AK9: variants seen among roughly 807,000 people sequenced by gnomAD.
The protein encoded by AK9 is adenylate kinase domain containing 1.
A neutral mutation model predicts 239.6 loss-of-function variants in AK9; 191 were observed. The observed-to-expected ratio is 0.80, with a 90% CI of 0.71 to 0.90. AK9 has a LOEUF of 0.90. Ranked by LOEUF, AK9 falls within the 40% of genes least tolerant of loss-of-function variation. The pLI, the probability that AK9 is intolerant of heterozygous loss-of-function variation, is 0.00. For missense variants in AK9, 1,995 were observed against 2,214.7 expected (o/e 0.90, Z 1.99); for synonymous variants, 689 against 721.0 (o/e 0.96, Z 0.71).
intron 13 of AK9, among the ~76,000 whole-genome samples, chr6:109,615,476 T>C (rs1467146158): frequency 6.6e-6 from 1 of 152,162 alleles, no homozygotes; most frequent in Non-Finnish European, 1.5e-5. Context: ...CCAATATTTC[T>C]CCAGCTTCAG....
At chr6:109,657,668 T>A (rs939148437) in intron 7 of AK9, among the ~76,000 whole-genome samples, 2 of 152,070 alleles carry the variant, frequency 1.3e-5, no homozygotes, top group Non-Finnish European at 2.9e-5. Flanking sequence ...TCATTTACAT[T>A]AGGTATATCT....
At chr6:109,584,255 C>T (rs748636016) in intron 19 of AK9, among the ~76,000 whole-genome samples, 2 of 152,100 alleles carry the variant, frequency 1.3e-5, no homozygotes, top group Non-Finnish European at 2.9e-5. Context: ...CCAGCTTCTT[C>T]ATTTCTAGGG....
At chr6:109,538,575 T>C (rs1296567356) in intron 27 of AK9, among the ~76,000 whole-genome samples, 10 of 152,186 alleles carry the variant, frequency 6.6e-5, no homozygotes, top group African/African-American at 2.2e-4. Flanking sequence ...CCAGTCTGTG[T>C]CTTTTAATTG....
At chr6:109,683,269 A>G (rs942044980) in intron 1 of AK9, among the ~76,000 whole-genome samples, 1 of 152,232 alleles carries the variant, frequency 6.6e-6, no homozygotes, top group African/African-American at 2.4e-5. Flanking sequence ...AGAGCTATTT[A>G]TGACAAGCCC....
At chr6:109,658,464 G>A (rs1799991206) in intron 7 of AK9, among the ~76,000 whole-genome samples, 1 of 152,100 alleles carries the variant, frequency 6.6e-6, no homozygotes, top group Non-Finnish European at 1.5e-5. Context: ...AAATAAAACA[G>A]AGCAAAGGGT....
intron 12 of AK9, among the ~76,000 whole-genome samples, chr6:109,630,407 C>A (rs547438068): frequency 6.6e-6 from 1 of 152,194 alleles, no homozygotes; most frequent in South Asian, 2.1e-4. Flanking sequence ...CATAAAATTG[C>A]AAAGGGCTAA....
chr6:109,542,179 C>CAA lies in AK9; in HGVS notation c.3226-10_3226-9dup. ...AAGTTGTACTTCTGGAAGCTAAAAA[C>CAA]AAAAATCAGAAAACAAAACAAGTTT... is the stretch of plus-strand genomic sequence containing the variant. On this transcript the variant is annotated splice_polypyrimidine_tract_variant and intron_variant, in intron 26 of 40. Transcript: ENST00000424296. 1 of 1,577,456 alleles carries CAA rather than the reference C, an allele frequency of 6.3e-7. No homozygotes were observed. The highest frequency in any genetic ancestry group is 1.2e-5 in the South Asian group (1 of 85,156).
At chr6:109,610,138 A>C (rs926076006) in intron 17 of AK9, among the ~76,000 whole-genome samples, 2 of 152,228 alleles carry the variant, frequency 1.3e-5, no homozygotes, top group Non-Finnish European at 2.9e-5. Context: ...CAAAGCATAA[A>C]GTTATATTAC....
chr6:109,508,795 C>T (rs1166650724), intron 33 of AK9, among the ~76,000 whole-genome samples: 1 of 152,170 alleles, frequency 6.6e-6, no homozygotes, highest in African/African-American at 2.4e-5. Context: ...CTGGGCCAGA[C>T]ATAGACCATC....
chr6:109,671,970 C>A lies in AK9; in HGVS notation c.280G>T (p.Val94Phe), dbSNP rs747036246. ...ISGQSIPDEL[V>F]IKLMLEKLNS... is the part of the protein sequence containing the mutation. Reference sequence around the variant, plus strand: ...AGCTTCTCCAACATTAGCTTTATGACAAGTTCATCTGGAATGCTTTGACCG... The same window carrying A: ...AGCTTCTCCAACATTAGCTTTATGAAAAGTTCATCTGGAATGCTTTGACCG... Residue 94 changes from valine to phenylalanine, a missense_variant, in exon 5 of 41, where the codon GTC (valine) becomes TTC (phenylalanine). This residue lies in a region of AK9 where 252 missense variants were observed against 246.4 expected (regional missense o/e 1.02). Coordinates refer to ENST00000424296, the MANE Select transcript of AK9 (RefSeq NM_001145128.3). 3.1e-6 allele frequency: 5 copies of A among 1,614,012 alleles called. No homozygotes were observed. The Admixed American group carries it at 8.3e-5, about 27-fold the overall frequency.
chr6:109,512,978 C>A (rs1237173107), intron 32 of AK9, among the ~76,000 whole-genome samples: 1 of 152,170 alleles, frequency 6.6e-6, no homozygotes, highest in African/African-American at 2.4e-5. Context: ...GTCCTCCCAC[C>A]TCAGCCTCCT....
At chr6:109,537,426 C>T (rs148570357) in intron 27 of AK9, among the ~76,000 whole-genome samples, 27,649 of 138,498 alleles carry the variant, frequency 0.2, 3,297 homozygotes, top group Middle Eastern at 0.28. Context: ...TGGTAGTTTG[C>T]ATTTCTGTGG....
chr6:109,683,493 G>C, intron 1 of AK9, among the ~76,000 whole-genome samples: 1 of 152,172 alleles, frequency 6.6e-6, no homozygotes, highest in East Asian at 1.9e-4. Context: ...TGTATATTTA[G>C]AAAACCCCAT....
chr6:109,669,014 C>G (rs59305507), intron 5 of AK9, among the ~76,000 whole-genome samples: 9 of 146,912 alleles, frequency 6.1e-5, no homozygotes, highest in East Asian at 4.1e-4. Context: ...GACATTGATT[C>G]TTCCTATCCA....
intron 16 of AK9, 91 bp from the exon 17 acceptor site, chr6:109,610,604 C>G: frequency 7.6e-7 from 1 of 1,310,034 alleles, no homozygotes; most frequent in African/African-American, 1.5e-5. Context: ...ATATCTGACC[C>G]AAGAAAGTAT....
At chr6:109,647,285 C>T (rs967938839) in intron 8 of AK9, among the ~76,000 whole-genome samples, 6 of 152,170 alleles carry the variant, frequency 3.9e-5, no homozygotes, top group Non-Finnish European at 8.8e-5. Context: ...TTAAAAGACA[C>T]AGATTGGCAA....
intron 25 of AK9, among the ~76,000 whole-genome samples, chr6:109,548,378 A>G (rs114886686): frequency 0.021 from 3,203 of 152,322 alleles, 104 homozygotes; most frequent in African/African-American, 0.074. Flanking sequence ...AAATTGAAGT[A>G]GGAATAAACA....
At chr6:109,526,741 C>A (rs368550629) in intron 29 of AK9, among the ~76,000 whole-genome samples, 1 of 152,160 alleles carries the variant, frequency 6.6e-6, no homozygotes, top group Non-Finnish European at 1.5e-5. Flanking sequence ...TGTGGAGCAG[C>A]TATTGTGAAC....
intron 8 of AK9, among the ~76,000 whole-genome samples, chr6:109,648,707 T>C (rs1798462391): frequency 6.6e-6 from 1 of 152,068 alleles, no homozygotes; most frequent in Non-Finnish European, 1.5e-5. Context: ...TTCCAATCAA[T>C]AGAAAAAGAG....
Sources: allele counts gnomAD v4.1 joint callset (sites outside exome capture counted in the v4.1 genomes callset), GRCh38; gene constraint gnomAD v4.1.1; regional missense constraint gnomAD v4.1.1; transcripts MANE v1.5; gene names NCBI Gene and HGNC (gene_info 2026-07-23, HGNC 2026-07-21).